Variants in BANK1 observed in about 807,000 individuals in gnomAD.
The protein encoded by BANK1 is B cell scaffold protein with ankyrin repeats 1.
A neutral mutation model predicts 94.5 loss-of-function variants in BANK1; 95 were observed. That is an observed-to-expected ratio of 1.00 (90% CI 0.85 to 1.19). BANK1 has a LOEUF of 1.19. Ranked by LOEUF, BANK1 falls within the 50% of genes most tolerant of loss-of-function variation. The pLI is 0.00. For missense variants in BANK1, 987 were observed against 932.2 expected, an observed-to-expected ratio of 1.06 and a Z score of -0.77; for synonymous variants, 334 against 308.4, an observed-to-expected ratio of 1.08 and a Z score of -0.87.
chr4:101,864,196 G>T (rs112824960), intron 4 of BANK1, among the ~76,000 whole-genome samples: 7,109 of 152,132 alleles, frequency 0.047, 237 homozygotes, highest in South Asian at 0.079. Flanking sequence ...TCTTTAAATT[G>T]ATGAGAAATT....
At chr4:101,988,810 A>C (rs1019319865) in intron 7 of BANK1, among the ~76,000 whole-genome samples, 3 of 152,208 alleles carry the variant, frequency 2.0e-5, no homozygotes, top group African/African-American at 4.8e-5. Context: ...TAAATTCAAA[A>C]CTAGAACTGA....
In BANK1 at chr4:101,853,021, G is replaced by A. The variant is rs530588885; in HGVS notation, c.470-2014G>A. ...AGCCAGTTTTATACAACCTTTCACT[G>A]TTTTGATTTGTGTATGTCTATGTGT... On this transcript the variant is annotated intron_variant, in intron 2 of 16. Coordinates refer to ENST00000322953, the MANE Select transcript of BANK1 (RefSeq NM_017935.5). 1.3e-4 allele frequency among the ~76,000 whole-genome samples: 20 copies of A among 152,198 alleles called. 1 individual carries two copies. In the South Asian group the frequency reaches 3.3e-3, roughly 25 times the overall value.
At chr4:101,978,168 G>T (rs2631274) in intron 7 of BANK1, among the ~76,000 whole-genome samples, 123,423 of 151,456 alleles carry the variant, frequency 0.81, 50,774 homozygotes, top group Non-Finnish European at 0.88. Context: ...AAGAAAAAAA[G>T]AAAACAATGA....
At chr4:101,940,250 GA>G (rs5860704) in intron 7 of BANK1, among the ~76,000 whole-genome samples, 19 of 147,036 alleles carry the variant, frequency 1.3e-4, no homozygotes, top group East Asian at 4.0e-4. Flanking sequence ...TTCTAAGCAG[GA>G]AAAAAAAAAC....
At chr4:101,842,612 C>G (rs1004076925) in intron 2 of BANK1, among the ~76,000 whole-genome samples, 2 of 152,176 alleles carry the variant, frequency 1.3e-5, no homozygotes, top group African/African-American at 4.8e-5. Flanking sequence ...TTTTAGGCTA[C>G]TTGCAGAGAA....
chr4:102,013,973 G>A (rs1726606934), intron 7 of BANK1, among the ~76,000 whole-genome samples: 1 of 151,992 alleles, frequency 6.6e-6, no homozygotes, highest in Non-Finnish European at 1.5e-5. Context: ...AAAACCCTGC[G>A]AGATAAGGTA....
intron 1 of BANK1, among the ~76,000 whole-genome samples, chr4:101,793,475 T>C (rs1725061024): frequency 6.6e-6 from 1 of 152,134 alleles, no homozygotes; most frequent in Admixed American, 6.5e-5. Context: ...TTCTGAAAAA[T>C]GCAATTGCTG....
At chr4:101,854,378 A>T (rs1727604034) in intron 2 of BANK1, among the ~76,000 whole-genome samples, 1 of 152,228 alleles carries the variant, frequency 6.6e-6, no homozygotes, top group Non-Finnish European at 1.5e-5. Flanking sequence ...TAAAATTTTT[A>T]AAATCAGATG....
intron 10 of BANK1, among the ~76,000 whole-genome samples, chr4:102,031,233 G>T (rs2148951171): frequency 6.6e-6 from 1 of 152,292 alleles, no homozygotes; most frequent in Non-Finnish European, 1.5e-5. Context: ...CTGCATAAAT[G>T]TCTTCTTTTG....
At chr4:101,894,023 G>A (rs1721973505) in intron 5 of BANK1, among the ~76,000 whole-genome samples, 2 of 152,106 alleles carry the variant, frequency 1.3e-5, no homozygotes, top group African/African-American at 4.8e-5. Flanking sequence ...TGCTCCTTGT[G>A]TGTATGGTCA....
At chr4:102,039,873 G>A (rs545773003) in intron 10 of BANK1, among the ~76,000 whole-genome samples, 1 of 152,160 alleles carries the variant, frequency 6.6e-6, no homozygotes, top group Admixed American at 6.6e-5. Flanking sequence ...TTTATATAAA[G>A]TCTCTATTTT....
At chr4:102,050,206 C>A (rs1025420453) in intron 11 of BANK1, among the ~76,000 whole-genome samples, 1 of 152,146 alleles carries the variant, frequency 6.6e-6, no homozygotes, top group Non-Finnish European at 1.5e-5. Context: ...CTCTCCTGTG[C>A]CTTATGCCCC....
chr4:101,803,997 C>A (rs1289425573), intron 1 of BANK1, among the ~76,000 whole-genome samples: 37 of 68,384 alleles, frequency 5.4e-4, no homozygotes, highest in South Asian at 3.2e-3. Flanking sequence ...GACTCCGTCT[C>A]AAAAAAAAAA....
intron 7 of BANK1, among the ~76,000 whole-genome samples, chr4:101,948,998 G>A (rs1169698498): frequency 1.3e-5 from 2 of 151,596 alleles, no homozygotes; most frequent in Non-Finnish European, 1.5e-5. Flanking sequence ...TGAGTTTGTG[G>A]GTGACCCCTT....
intron 7 of BANK1, among the ~76,000 whole-genome samples, chr4:101,976,154 T>C (rs1416349995): frequency 6.6e-6 from 1 of 152,160 alleles, no homozygotes; most frequent in Non-Finnish European, 1.5e-5. Flanking sequence ...CCTGTGGTCA[T>C]AAGCAGTGAA....
At chr4:101,933,113 T>C (rs1723413112) in intron 7 of BANK1, among the ~76,000 whole-genome samples, 1 of 151,262 alleles carries the variant, frequency 6.6e-6, no homozygotes, top group South Asian at 2.1e-4. Context: ...CAAGCATGAG[T>C]TTTAGACATA....
intron 1 of BANK1, among the ~76,000 whole-genome samples, chr4:101,815,331 A>C (rs1305986170): frequency 6.6e-6 from 1 of 152,138 alleles, no homozygotes; most frequent in African/African-American, 2.4e-5. Flanking sequence ...TTTTATATGG[A>C]TGTAATAAAA....
intron 7 of BANK1, among the ~76,000 whole-genome samples, chr4:101,969,521 T>C (rs1157958939): frequency 6.6e-6 from 1 of 152,062 alleles, no homozygotes; most frequent in African/African-American, 2.4e-5. Flanking sequence ...AAAGTTTTGG[T>C]AATTTTATAA....
chr4:101,862,716 CAATA>C, intron 4 of BANK1, 52 bp downstream of exon 4: 1 of 1,448,612 alleles, frequency 6.9e-7, no homozygotes, highest in Non-Finnish European at 9.2e-7. Flanking sequence ...GAGTTCCTTC[CAATA>C]AATTTATAAT....
Sources: gnomAD v4.1 joint callset for allele counts (sites outside exome capture counted in the v4.1 genomes callset) on GRCh38, gnomAD v4.1.1 for gene constraint, MANE v1.5 for transcripts, NCBI Gene and HGNC (gene_info 2026-07-23, HGNC 2026-07-21) for gene names.